The following ARHGEF6 variants were observed in gnomAD, a reference collection of about 807,000 sequenced individuals.
The protein encoded by ARHGEF6 is rho guanine nucleotide exchange factor 6.
In ARHGEF6, 9 loss-of-function variants were observed where a neutral mutation model predicts 70.3. The observed-to-expected ratio is 0.13, with a 90% CI of 0.08 to 0.22. The LOEUF is 0.22. Ranked by LOEUF, ARHGEF6 falls within the 10% of genes least tolerant of loss-of-function variation. The probability of loss-of-function intolerance (pLI) is 1.00; values close to 1 mark genes in which losing one functional copy is unlikely to be tolerated. For missense variants in ARHGEF6, 470 were observed against 563.0 expected, an observed-to-expected ratio of 0.83 and a Z score of 1.67; for synonymous variants, 201 against 207.8, an observed-to-expected ratio of 0.97 and a Z score of 0.28.
At chrX:136,681,836 C>G in intron 14 of ARHGEF6, 54 bp downstream of exon 14, 1 of 1,050,695 alleles carries the variant, frequency 9.5e-7, no homozygotes, top group Non-Finnish European at 1.3e-6. Flanking sequence ...TTAAATTCCC[C>G]TTCATTCCAA....
At chrX:136,777,058 C>G (rs2077411493) in intron 2 of ARHGEF6, among the ~76,000 whole-genome samples, 1 of 110,938 alleles carries the variant, frequency 9.0e-6, no homozygotes, top group African/African-American at 3.3e-5. Context: ...AACCCTGTCT[C>G]TACTAACAAC....
At chrX:136,757,328 C>T (rs755253978) in intron 2 of ARHGEF6, among the ~76,000 whole-genome samples, 21 of 112,602 alleles carry the variant, frequency 1.9e-4, no homozygotes, top group Non-Finnish European at 3.0e-4. Flanking sequence ...CCACTAGCCT[C>T]GGCAATCTAG....
In ARHGEF6 at chrX:136,748,913, G is replaced by A. The variant is rs148228199; in HGVS notation, c.250-1321C>T. On this transcript the variant is annotated intron_variant, in intron 2 of 21. Transcript: ENST00000250617. ...AAAATATATAATATCAATTTTTCAC[G>A]TTTTGGGGGGTCAATAAAGATACAT... Among the ~76,000 whole-genome samples, 1,056 of 111,268 alleles carry A rather than the reference G, an allele frequency of 9.5e-3. 13 individuals are homozygous for A. Among genetic ancestry groups the A allele is most frequent in the African/African-American group, 0.033 (996 of 30,607 alleles).
chrX:136,743,532 A>T, intron 5 of ARHGEF6, 53 bp downstream of exon 5: 23 of 1,136,539 alleles, frequency 2.0e-5, no homozygotes, highest in Non-Finnish European at 2.7e-5. Context: ...CAGTAAGAAT[A>T]CCAAGAAAGT....
At chrX:136,685,554 C>T in intron 12 of ARHGEF6, 123 bp downstream of exon 12, 10 of 823,663 alleles carry the variant, frequency 1.2e-5, no homozygotes, top group Non-Finnish European at 1.7e-5. Flanking sequence ...TTGCAGTGAG[C>T]CAAGATGGCA....
chrX:136,750,756 C>T (rs2148666070), intron 2 of ARHGEF6, among the ~76,000 whole-genome samples: 1 of 110,928 alleles, frequency 9.0e-6, no homozygotes, highest in East Asian at 2.8e-4. Flanking sequence ...TAAGTATTTA[C>T]ATATAGCCAA....
At position 136,734,105 on chromosome X, in the gene ARHGEF6, G is replaced by A. The variant is rs184478215; in HGVS notation, c.662-1933C>T. 3.0e-3 allele frequency among the ~76,000 whole-genome samples: 337 copies of A among 112,268 alleles called. 1 individual carries two copies. The highest frequency in any genetic ancestry group is 0.01 in the African/African-American group (322 of 30,908). On this transcript the variant is annotated intron_variant, in intron 5 of 21. Coordinates refer to ENST00000250617, the MANE Select transcript of ARHGEF6 (RefSeq NM_004840.3). ...ATGCTCAAGGCAGAACTGTTCTTGCGACAGTGAGTTATCCAGTGGGGCCAG... is the reference window on the plus strand; with the variant it reads ...ATGCTCAAGGCAGAACTGTTCTTGCAACAGTGAGTTATCCAGTGGGGCCAG...
chrX:136,701,224 A>G (rs1204891811), intron 9 of ARHGEF6, among the ~76,000 whole-genome samples: 1 of 111,913 alleles, frequency 8.9e-6, no homozygotes, highest in East Asian at 2.8e-4. Context: ...TTAGGCCAAG[A>G]ATTTTGCAAA....
At position 136,780,849 on chromosome X, in the gene ARHGEF6, T is replaced by C; in HGVS notation, c.34A>G (p.Ile12Val). The change falls in exon 1 of 22, where the codon ATA becomes GTA. Residue 12 changes from isoleucine (I) to valine (V), a missense_variant. Ile to Val is a conservative substitution (Grantham distance 29, BLOSUM62 3). This residue lies in a region of ARHGEF6 where 379 missense variants were observed against 449.3 expected (regional missense o/e 0.84). Coordinates refer to ENST00000250617, the MANE Select transcript of ARHGEF6 (RefSeq NM_004840.3). ...GGGGACTCTAAAACTCCCAAAGATA[T>C]AAGCCATGTCACGATTTGTTCTTCT... ...NPEEQIVTWL[I>V]SLGVLESPKK... 1.5e-5 allele frequency: 18 copies of C among 1,211,531 alleles called. No homozygotes were observed. The highest frequency in any genetic ancestry group is 2.0e-5 in the Non-Finnish European group (18 of 895,508).
chrX:136,720,151 A>G, intron 6 of ARHGEF6, among the ~76,000 whole-genome samples: 1 of 112,296 alleles, frequency 8.9e-6, no homozygotes, highest in Non-Finnish European at 1.9e-5. Context: ...TTATGAAGCC[A>G]GAATTATCCC....
intron 2 of ARHGEF6, chrX:136,767,238 G>C (rs1485654823): frequency 1.3e-6 from 1 of 753,889 alleles, no homozygotes; most frequent in African/African-American, 2.3e-5. Flanking sequence ...CCCGAGTCAC[G>C]GGGCCGGCGA....
chrX:136,766,924 G>T (rs2077320199), intron 2 of ARHGEF6, among the ~76,000 whole-genome samples: 1 of 112,268 alleles, frequency 8.9e-6, no homozygotes, highest in Non-Finnish European at 1.9e-5. Flanking sequence ...AGTTTGGCGC[G>T]TCCTCGCTCT....
At chrX:136,696,990 G>A (rs376889272) in intron 9 of ARHGEF6, among the ~76,000 whole-genome samples, 6 of 111,132 alleles carry the variant, frequency 5.4e-5, no homozygotes, top group Non-Finnish European at 5.7e-5. Flanking sequence ...CTCACTTCAC[G>A]CAGCCCCGAC....
intron 12 of ARHGEF6, among the ~76,000 whole-genome samples, chrX:136,684,723 ATTC>A (rs780847290): frequency 2.6e-4 from 29 of 110,950 alleles, no homozygotes; most frequent in Non-Finnish European, 5.1e-4. Flanking sequence ...CTAAAATTAT[ATTC>A]TTCATCTCCT....
chrX:136,675,357 G>A, intron 18 of ARHGEF6, among the ~76,000 whole-genome samples: 2 of 108,971 alleles, frequency 1.8e-5, no homozygotes, highest in South Asian at 8.2e-4. Context: ...GGGTGGGGGG[G>A]GCGGTGTTTT....
chrX:136,752,232 A>C (rs2077159224), intron 2 of ARHGEF6, among the ~76,000 whole-genome samples: 1 of 112,315 alleles, frequency 8.9e-6, no homozygotes, highest in South Asian at 3.7e-4. Flanking sequence ...TCCATATTAC[A>C]AGACTGTCTC....
chrX:136,748,732 T>C (rs2077121654), intron 2 of ARHGEF6, among the ~76,000 whole-genome samples: 1 of 112,061 alleles, frequency 8.9e-6, no homozygotes, highest in Non-Finnish European at 1.9e-5. Context: ...TGGGACATGA[T>C]TGGTAATGGG....
chrX:136,739,691 A>T (rs2077023477), intron 5 of ARHGEF6, among the ~76,000 whole-genome samples: 1 of 111,764 alleles, frequency 8.9e-6, no homozygotes, highest in Admixed American at 9.4e-5. Flanking sequence ...GATAGGGTTA[A>T]ATTTTCTCCT....
chrX:136,686,573 T>C (rs2148587101), intron 11 of ARHGEF6, among the ~76,000 whole-genome samples: 1 of 87,805 alleles, frequency 1.1e-5, no homozygotes, highest in South Asian at 5.3e-4. Context: ...TCTTTCTATA[T>C]ATATGTGTGT....
Sources: allele counts gnomAD v4.1 joint callset (sites outside exome capture counted in the v4.1 genomes callset), GRCh38; gene constraint gnomAD v4.1.1; regional missense constraint gnomAD v4.1.1; transcripts MANE v1.5; gene names NCBI Gene and HGNC (gene_info 2026-07-23, HGNC 2026-07-21).